LTBP1: variants seen among roughly 807,000 people sequenced by gnomAD.
The protein encoded by LTBP1 is latent transforming growth factor beta binding protein 1, also known as latent-transforming growth factor beta-binding protein 1.
Under a neutral mutation model 207.6 loss-of-function variants are expected in LTBP1, and 129 were observed. The observed-to-expected ratio is 0.62, with a 90% CI of 0.54 to 0.72. The LOEUF (loss-of-function observed/expected upper bound fraction) is 0.72. Among genes scored for constraint, LTBP1 ranks in the 30% least tolerant of loss-of-function variants. The pLI is 0.00. For missense variants in LTBP1, 2,281 were observed against 2,217.2 expected (o/e 1.03, Z -0.58); for synonymous variants, 963 against 833.7 (o/e 1.16, Z -2.67).
chr2:33,036,218 C>T (rs891108927), intron 3 of LTBP1, among the ~76,000 whole-genome samples: 2 of 152,166 alleles, frequency 1.3e-5, no homozygotes, highest in East Asian at 3.9e-4. Flanking sequence ...TCAGAGTTTC[C>T]GATTTGGTGG....
chr2:33,182,100 G>C (rs1441024111), intron 5 of LTBP1, among the ~76,000 whole-genome samples: 1 of 152,020 alleles, frequency 6.6e-6, no homozygotes, highest in Non-Finnish European at 1.5e-5. Context: ...ATTCATAAAG[G>C]GTTATAAATA....
At chr2:33,244,453 G>T (rs2092440022) in intron 10 of LTBP1, among the ~76,000 whole-genome samples, 1 of 152,126 alleles carries the variant, frequency 6.6e-6, no homozygotes, top group Admixed American at 6.5e-5. Context: ...TTCTAATATT[G>T]GTTCTGAAAG....
rs1197079696 is a variant in LTBP1 at position 32,947,559 on chromosome 2, G to T, written c.235G>T (p.Val79Phe). The change falls in exon 1 of 34, where the codon GTC becomes TTC. Residue 79 changes from valine to phenylalanine, a missense_variant. By Grantham distance (50) the Val-to-Phe change is conservative. Transcript: ENST00000404816. ...CGCCCCCAGCCGTGCCTCCCCCGGG[G>T]TCCCCTCGGAGAGGACCCGGCGCAC... is the stretch of plus-strand genomic sequence containing the variant. ...AGAPSRASPG[V>F]PSERTRRTSK... The T allele has an allele frequency of 3.7e-6, 5 of 1,363,306 alleles. No individual in the cohort carries two copies. The African/African-American group carries it at 7.7e-5, about 21-fold the overall frequency. 84.5% of individuals were successfully genotyped at this position (1,363,306 alleles called of 1,614,324 possible).
chr2:33,013,502 G>A (rs1687948871), intron 2 of LTBP1, among the ~76,000 whole-genome samples: 1 of 147,378 alleles, frequency 6.8e-6, no homozygotes, highest in Non-Finnish European at 1.5e-5. Context: ...TTTCCCTTTT[G>A]CTATTTTAAT....
Position 33,309,436 on chromosome 2 carries a change from A to G in LTBP1, c.3484A>G (p.Ile1162Val). 6 of 1,586,844 alleles carry G rather than the reference A, an allele frequency of 3.8e-6. No homozygotes were observed. The highest frequency in any genetic ancestry group is 5.1e-6 in the Non-Finnish European group (6 of 1,172,532). ...ASGLGDHCED[I>V]NECLEDKSVC... is the part of the protein sequence containing the mutation. ...AAAATTTTTAAATTGGTTTTTAGAT[A>G]TCAATGAATGCTTGGAGGACAAGAG... is the stretch of plus-strand genomic sequence containing the variant. Residue 1162 changes from isoleucine to valine, a missense_variant and splice_region_variant, in exon 23 of 34, where the codon ATC (isoleucine) becomes GTC (valine). By Grantham distance (29) the Ile-to-Val change is conservative. Around this residue, in one of 3 missense-constraint regions of LTBP1, gnomAD observed 1,671 missense variants for 1,634.8 expected, o/e 1.02. Transcript: ENST00000404816.
At position 33,001,716 on chromosome 2, in the gene LTBP1, C is replaced by T. The variant is rs1390590520; in HGVS notation, c.566-19193C>T. Among the ~76,000 whole-genome samples, 3 of 134,592 alleles carry T rather than the reference C, an allele frequency of 2.2e-5. 1 individual carries two copies. Among genetic ancestry groups the T allele is most frequent in the Non-Finnish European group, 3.3e-5 (2 of 61,214 alleles). 88.3% of individuals were successfully genotyped at this position (134,592 alleles called of 152,430 possible). ...ACAGTGCATTGCATAGTATGGTCCC[C>T]GTGCTGCTCATCGTATAGGCCCTGC... On this transcript the variant is annotated intron_variant, in intron 2 of 33. Coordinates refer to ENST00000404816, the MANE Select transcript of LTBP1 (RefSeq NM_206943.4).
intron 3 of LTBP1, among the ~76,000 whole-genome samples, chr2:33,093,612 CAT>C (rs1476504096): frequency 2.6e-5 from 4 of 152,004 alleles, no homozygotes; most frequent in Non-Finnish European, 4.4e-5. Context: ...ATGAATATAA[CAT>C]ATGTATATAT....
chr2:33,311,276 T>C (rs1233028013), intron 23 of LTBP1, among the ~76,000 whole-genome samples: 1 of 152,180 alleles, frequency 6.6e-6, no homozygotes, highest in African/African-American at 2.4e-5. Flanking sequence ...CTGCACTTGA[T>C]GTGTACCCAA....
In LTBP1 at chr2:32,975,628, C is replaced by CTGGGTTAA. The variant is rs1394415244; in HGVS notation, c.565+26685_565+26692dup. Among the ~76,000 whole-genome samples, 6 of 69,242 alleles carry CTGGGTTAA rather than the reference C, an allele frequency of 8.7e-5. No individual in the cohort carries two copies. The Admixed American group carries it at 1.5e-3, about 17-fold the overall frequency. 45.4% of individuals were successfully genotyped at this position (69,242 alleles called of 152,430 possible). Reference sequence around the variant, plus strand: ...TTTTTTTTTTTTTTTTTTTGTCTGACTGGGTTAATTCAGAGAATCAGTGTT... The same window carrying CTGGGTTAA: ...TTTTTTTTTTTTTTTTTTTGTCTGACTGGGTTAATGGGTTAATTCAGAGAATCAGTGTT... On this transcript the variant is annotated intron_variant, in intron 2 of 33. Coordinates refer to ENST00000404816, the MANE Select transcript of LTBP1 (RefSeq NM_206943.4).
intron 25 of LTBP1, 137 bp downstream of exon 25, chr2:33,343,100 T>G: frequency 9.2e-7 from 1 of 1,082,608 alleles, no homozygotes; most frequent in East Asian, 2.6e-5. Flanking sequence ...AATTTGAGGA[T>G]GTGCAAAAAT....
rs553822238 is a variant in LTBP1, at chr2:33,265,809, A to G, written c.2617+2417A>G. On this transcript the variant is annotated intron_variant, in intron 15 of 33. Coordinates refer to ENST00000404816, the MANE Select transcript of LTBP1 (RefSeq NM_206943.4). ...GTCAGCAAAAATGTCACTAAGGGGCATCATCATCAACTTTAACTGAATTTA... is the reference window on the plus strand; with the variant it reads ...GTCAGCAAAAATGTCACTAAGGGGCGTCATCATCAACTTTAACTGAATTTA... 2.6e-5 allele frequency among the ~76,000 whole-genome samples: 4 copies of G among 152,336 alleles called. No individual in the cohort carries two copies. The South Asian group carries it at 8.3e-4, about 32-fold the overall frequency.
chr2:33,149,220 CAAAAAAACAAAAAAAAAAAAA>C (rs2083302296), intron 5 of LTBP1, among the ~76,000 whole-genome samples: 2 of 15,166 alleles, frequency 1.3e-4, no homozygotes, highest in Non-Finnish European at 2.7e-4. Context: ...GTCTCACTCA[CAAAAAAACAAAAAAAAAAAAA>C]AAAAAAAAAA....
chr2:33,167,030 T>A (rs2084981801), intron 5 of LTBP1, among the ~76,000 whole-genome samples: 1 of 152,154 alleles, frequency 6.6e-6, no homozygotes, highest in Non-Finnish European at 1.5e-5. Flanking sequence ...TACTCCGGGG[T>A]TGACCCTACA....
intron 24 of LTBP1, among the ~76,000 whole-genome samples, chr2:33,322,434 A>G (rs564760609): frequency 2.0e-5 from 3 of 152,358 alleles, no homozygotes; most frequent in South Asian, 4.1e-4. Flanking sequence ...GTAATGCTTC[A>G]TACACATATT....
At chr2:33,384,945 G>C (rs892839895) in intron 31 of LTBP1, among the ~76,000 whole-genome samples, 9 of 152,046 alleles carry the variant, frequency 5.9e-5, no homozygotes, top group African/African-American at 1.7e-4. Flanking sequence ...CCCAAGTCCT[G>C]ATATTTCCAT....
chr2:33,309,414 A>T lies in LTBP1; in HGVS notation c.3482-20A>T, dbSNP rs113816788. 19 of 1,573,646 alleles carry T rather than the reference A, an allele frequency of 1.2e-5. No homozygotes were observed. Among genetic ancestry groups the T allele is most frequent in the Middle Eastern group, 1.7e-4 (1 of 5,916 alleles). On this transcript the variant is annotated intron_variant, in intron 22 of 33. Transcript: ENST00000404816. ...TATGTGATTTATTTAGTCTTTAAAA[A>T]TTTTTAAATTGGTTTTTAGATATCA...
intron 26 of LTBP1, among the ~76,000 whole-genome samples, chr2:33,350,237 A>T (rs941140174): frequency 1.3e-5 from 2 of 152,204 alleles, no homozygotes; most frequent in Non-Finnish European, 2.9e-5. Flanking sequence ...TCACATTTTT[A>T]TTCAGCTATA....
intron 16 of LTBP1, 65 bp from the exon 17 acceptor site, chr2:33,274,900 C>T (rs1284763204): frequency 5.9e-6 from 9 of 1,526,594 alleles, no homozygotes; most frequent in Non-Finnish European, 7.2e-6. Context: ...TGGTATTTTA[C>T]AGAACAGGGA....
intron 4 of LTBP1, among the ~76,000 whole-genome samples, chr2:33,112,753 A>G (rs576277490): frequency 6.6e-6 from 1 of 152,316 alleles, no homozygotes; most frequent in East Asian, 1.9e-4. Context: ...GAAAGGAGGT[A>G]CAGGTAGTAG....
Sources: gnomAD v4.1 joint callset for allele counts (sites outside exome capture counted in the v4.1 genomes callset) on GRCh38, gnomAD v4.1.1 for gene constraint, gnomAD v4.1.1 regional missense constraint, MANE v1.5 for transcripts, NCBI Gene and HGNC (gene_info 2026-07-23, HGNC 2026-07-21) for gene names.